AGPS: variants seen among roughly 807,000 people sequenced by gnomAD.
The protein encoded by AGPS is alkyldihydroxyacetonephosphate synthase, peroxisomal.
In AGPS, 26 loss-of-function variants were observed where a neutral mutation model predicts 90.7. That is an observed-to-expected ratio of 0.29 (90% CI 0.21 to 0.40). The LOEUF is 0.40. Ranked by LOEUF, AGPS falls within the 10% of genes least tolerant of loss-of-function variation. The probability of loss-of-function intolerance (pLI) is 1.00; values close to 1 mark genes in which losing one functional copy is unlikely to be tolerated. For missense variants in AGPS, 540 were observed against 816.1 expected, an observed-to-expected ratio of 0.66 and a Z score of 4.12; for synonymous variants, 294 against 285.3, an observed-to-expected ratio of 1.03 and a Z score of -0.31.
At chr2:177,474,014 C>T (rs550122341) in intron 10 of AGPS, among the ~76,000 whole-genome samples, 4 of 152,276 alleles carry the variant, frequency 2.6e-5, no homozygotes, top group East Asian at 1.9e-4. Flanking sequence ...TGCCTTCTTA[C>T]TAGTACCTTA....
intron 14 of AGPS, among the ~76,000 whole-genome samples, chr2:177,501,097 T>C (rs1002705227): frequency 8.5e-5 from 13 of 152,216 alleles, no homozygotes; most frequent in African/African-American, 3.1e-4. Context: ...ACTGAAGCTT[T>C]AAAAAATTGT....
chr2:177,426,581 T>C (rs1273505212), intron 2 of AGPS, among the ~76,000 whole-genome samples: 1 of 152,218 alleles, frequency 6.6e-6, no homozygotes, highest in African/African-American at 2.4e-5. Context: ...ATCCTTACTT[T>C]ATTGAATTTT....
At chr2:177,443,031 A>G (rs1277675805) in intron 7 of AGPS, among the ~76,000 whole-genome samples, 4 of 152,016 alleles carry the variant, frequency 2.6e-5, no homozygotes, top group East Asian at 1.9e-4. Context: ...TTTTAGATGA[A>G]GTCGTTATTA....
rs775403054 is a variant in AGPS, at chr2:177,513,927, TCTTATA to T, written c.1697+23_1697+28del. On this transcript the variant is annotated intron_variant, in intron 17 of 19. Coordinates refer to ENST00000264167, the MANE Select transcript of AGPS (RefSeq NM_003659.4). ...CATGCAGGTAAGTTTTAAAAATTGTTCTTATACTTCTTATTCTGAAAAAAATGTTTT... is the reference window on the plus strand; with the variant it reads ...CATGCAGGTAAGTTTTAAAAATTGTTCTTCTTATTCTGAAAAAAATGTTTT... 81 of 1,538,930 alleles carry T rather than the reference TCTTATA, an allele frequency of 5.3e-5. No individual in the cohort carries two copies. Among genetic ancestry groups the T allele is most frequent in the Non-Finnish European group, 6.7e-5 (74 of 1,111,946 alleles).
intron 16 of AGPS, among the ~76,000 whole-genome samples, chr2:177,509,570 G>A (rs1688809532): frequency 6.6e-6 from 1 of 151,700 alleles, no homozygotes; most frequent in South Asian, 2.1e-4. Flanking sequence ...GCATGCTGAG[G>A]CAGGAGAGTG....
chr2:177,396,037 G>A (rs920164982), intron 1 of AGPS, among the ~76,000 whole-genome samples: 1 of 124,938 alleles, frequency 8.0e-6, no homozygotes, highest in African/African-American at 3.0e-5. Context: ...TGTAGATACA[G>A]GTACAAATGT....
At chr2:177,482,525 G>C (rs1687975065) in intron 11 of AGPS, among the ~76,000 whole-genome samples, 1 of 151,732 alleles carries the variant, frequency 6.6e-6, no homozygotes, top group Non-Finnish European at 1.5e-5. Flanking sequence ...AGTTATTTTT[G>C]GGTAAGATAT....
At chr2:177,468,915 T>C (rs1197324562) in intron 10 of AGPS, among the ~76,000 whole-genome samples, 2 of 152,104 alleles carry the variant, frequency 1.3e-5, no homozygotes, top group African/African-American at 2.4e-5. Context: ...TCTGTAATTA[T>C]GTATTTTATA....
intron 8 of AGPS, among the ~76,000 whole-genome samples, chr2:177,456,656 G>C (rs1289858005): frequency 6.6e-6 from 1 of 152,116 alleles, no homozygotes; most frequent in Non-Finnish European, 1.5e-5. Context: ...TATAGTACCT[G>C]CTTGTAATTG....
intron 10 of AGPS, among the ~76,000 whole-genome samples, chr2:177,474,076 A>G (rs763209572): frequency 2.0e-5 from 3 of 152,252 alleles, no homozygotes; most frequent in African/African-American, 4.8e-5. Flanking sequence ...ATGTAACAGT[A>G]TATACATTTA....
chr2:177,492,046 A>G (rs1214839553), intron 11 of AGPS, among the ~76,000 whole-genome samples: 1 of 152,142 alleles, frequency 6.6e-6, no homozygotes, highest in Non-Finnish European at 1.5e-5. Context: ...TCAGCCTCAC[A>G]AAGTGCTAGG....
At chr2:177,400,675 A>G (rs1685307775) in intron 1 of AGPS, among the ~76,000 whole-genome samples, 1 of 152,178 alleles carries the variant, frequency 6.6e-6, no homozygotes, top group Non-Finnish European at 1.5e-5. Context: ...GAAATTACTA[A>G]TCAGAGATTT....
chr2:177,470,292 A>T (rs1687573827), intron 10 of AGPS, among the ~76,000 whole-genome samples: 1 of 152,186 alleles, frequency 6.6e-6, no homozygotes, highest in Non-Finnish European at 1.5e-5. Context: ...TGGTCTTTTC[A>T]TGCCTTTTAA....
intron 7 of AGPS, among the ~76,000 whole-genome samples, chr2:177,444,282 G>A (rs1299531633): frequency 7.2e-5 from 11 of 151,892 alleles, no homozygotes; most frequent in Admixed American, 5.9e-4. Flanking sequence ...TTAGCCATGT[G>A]TGGTGGCGTG....
At position 177,538,428 on chromosome 2, in the gene AGPS, A is replaced by AT; in HGVS notation, c.*236dup. 1 of 526,928 alleles carries AT rather than the reference A, an allele frequency of 1.9e-6. No homozygotes were observed. The highest frequency in any genetic ancestry group is 1.9e-5 in the African/African-American group (1 of 52,172). 32.6% of individuals were successfully genotyped at this position (526,928 alleles called of 1,614,324 possible). On this transcript the variant is annotated 3_prime_UTR_variant, in exon 20 of 20. Coordinates refer to ENST00000264167, the MANE Select transcript of AGPS (RefSeq NM_003659.4). ...CATCATTTTACATTCAGCGGTTGTC[A>AT]TTTCAAATTTTAGTCAGGCAGCACA...
At chr2:177,520,332 T>G (rs1222336944) in intron 17 of AGPS, among the ~76,000 whole-genome samples, 1 of 152,230 alleles carries the variant, frequency 6.6e-6, no homozygotes, top group East Asian at 1.9e-4. Context: ...GAGATTATAA[T>G]TTGCCCATTC....
intron 8 of AGPS, among the ~76,000 whole-genome samples, chr2:177,454,864 T>C (rs1342403523): frequency 6.6e-6 from 1 of 152,196 alleles, no homozygotes; most frequent in Non-Finnish European, 1.5e-5. Context: ...GTTTTCTCAG[T>C]TGGACTAGTG....
chr2:177,538,050 G>A (rs758508179), intron 19 of AGPS, 24 bp from the exon 20 acceptor site: 2 of 1,612,422 alleles, frequency 1.2e-6, no homozygotes, highest in South Asian at 2.2e-5. Context: ...ATATATTGAA[G>A]CATTTTTGAT....
chr2:177,491,306 G>A lies in AGPS; in HGVS notation c.1234-1842G>A, dbSNP rs573642817. Among the ~76,000 whole-genome samples the A allele has an allele frequency of 1.5e-4, 23 of 150,758 alleles. No individual in the cohort carries two copies. In the East Asian group the frequency reaches 1.8e-3, roughly 12 times the overall value. ...TTTTGAGACAGAGTCTCGCTCTGTC[G>A]CCCAGCAGGCTGGAGTGCAGTGGTT... On this transcript the variant is annotated intron_variant, in intron 11 of 19. Transcript: ENST00000264167.
Sources: gnomAD v4.1 joint callset for allele counts (sites outside exome capture counted in the v4.1 genomes callset) on GRCh38, gnomAD v4.1.1 for gene constraint, MANE v1.5 for transcripts, NCBI Gene and HGNC (gene_info 2026-07-23, HGNC 2026-07-21) for gene names.